The following DUSP14 variants were observed in gnomAD, a reference collection of about 807,000 sequenced individuals.
The protein encoded by DUSP14 is dual specificity phosphatase 14.
Under a neutral mutation model 13.2 loss-of-function variants are expected in DUSP14, and 5 were observed. The ratio of observed to expected loss-of-function variants is 0.38; its 90% confidence interval spans 0.20 to 0.80. The LOEUF is 0.80. Ranked by LOEUF, DUSP14 falls within the 30% of genes least tolerant of loss-of-function variation. DUSP14 has a pLI of 0.44. For synonymous variants in DUSP14, 91 were observed against 103.4 expected (o/e 0.88, Z 0.73); for missense variants, 185 against 264.0 (o/e 0.70, Z 2.07).
intron 1 of DUSP14, among the ~76,000 whole-genome samples, chr17:37,498,940 A>T (rs1460407114): frequency 6.6e-6 from 1 of 152,052 alleles, no homozygotes; most frequent in African/African-American, 2.4e-5. Flanking sequence ...CCTTGGGAGC[A>T]CACTTTGAAG....
chr17:37,489,693 G>C (rs2054011677), upstream of DUSP14: 1 of 151,814 alleles, frequency 6.6e-6, no homozygotes, highest in Admixed American at 6.6e-5. Flanking sequence ...TGCCTCGGGA[G>C]CTAGGGCGCG....
chr17:37,493,760 AGATG>A (rs2054044807), intron 1 of DUSP14, among the ~76,000 whole-genome samples: 2 of 151,464 alleles, frequency 1.3e-5, no homozygotes, highest in Admixed American at 1.3e-4. Flanking sequence ...GCTAGTACCT[AGATG>A]TTTTTTAAGG....
chr17:37,499,490 C>A (rs986714154), intron 1 of DUSP14, among the ~76,000 whole-genome samples: 1 of 151,988 alleles, frequency 6.6e-6, no homozygotes, highest in Non-Finnish European at 1.5e-5. Context: ...CAGGTGTGAG[C>A]CACCACACCC....
At chr17:37,491,523 A>G (rs1053875974) in intron 1 of DUSP14, 9 of 152,212 alleles carry the variant, frequency 5.9e-5, no homozygotes, top group African/African-American at 7.2e-5. Flanking sequence ...GCTTTCCACC[A>G]TAAAACTGGA....
At chr17:37,503,248 A>T (rs1293098269) in intron 1 of DUSP14, among the ~76,000 whole-genome samples, 2 of 152,116 alleles carry the variant, frequency 1.3e-5, no homozygotes, top group Non-Finnish European at 2.9e-5. Flanking sequence ...AACATGGGGA[A>T]ACCCTGTCTC....
At position 37,512,896 on chromosome 17, in the gene DUSP14, C is replaced by T. The variant is rs375363372; in HGVS notation, c.*27C>T. On this transcript the variant is annotated 3_prime_UTR_variant, in exon 3 of 3. Coordinates refer to ENST00000617516, the MANE Select transcript of DUSP14 (RefSeq NM_007026.4). This position sits in a 1 kb window ranked among gnomAD's most constrained non-coding sequence, Gnocchi z 4.8. ...GCCACTGAAGCCTGCGTCAGCAGCCCGAGCGGGGCCGGCATCTGCTCCCCG... is the reference window on the plus strand; with the variant it reads ...GCCACTGAAGCCTGCGTCAGCAGCCTGAGCGGGGCCGGCATCTGCTCCCCG... 6.4e-6 allele frequency: 10 copies of T among 1,564,596 alleles called. No individual in the cohort carries two copies. Among genetic ancestry groups the T allele is most frequent in the Non-Finnish European group, 7.9e-6 (9 of 1,146,290 alleles).
intron 1 of DUSP14, among the ~76,000 whole-genome samples, chr17:37,504,403 TTATCCTCATCA>T (rs1276304560): frequency 3.9e-5 from 6 of 152,182 alleles, no homozygotes; most frequent in African/African-American, 1.2e-4. Flanking sequence ...TTATGTGTAT[TTATCCTCATCA>T]TATCCTCATC....
intron 2 of DUSP14, among the ~76,000 whole-genome samples, chr17:37,511,553 T>A (rs2054185336): frequency 6.6e-6 from 1 of 150,390 alleles, no homozygotes; most frequent in South Asian, 2.1e-4. Flanking sequence ...AGTACTGGGA[T>A]TACAGGCATG....
rs560865205 is a variant in DUSP14 at position 37,497,559 on chromosome 17, C to T, written c.-181+7601C>T. On this transcript the variant is annotated intron_variant, in intron 1 of 2. Transcript: ENST00000617516. Reference sequence around the variant, plus strand: ...GGTGGATGGCTTGAGCCCAGGAGTTCGAGTCCAGCCTGGGCAACATGGCAA... The same window carrying T: ...GGTGGATGGCTTGAGCCCAGGAGTTTGAGTCCAGCCTGGGCAACATGGCAA... Among the ~76,000 whole-genome samples the T allele has an allele frequency of 8.6e-5, 13 of 151,856 alleles. No homozygotes were observed. The South Asian group carries it at 2.7e-3, about 32-fold the overall frequency.
chr17:37,506,033 C>T (rs944997968), intron 1 of DUSP14, among the ~76,000 whole-genome samples: 12 of 152,060 alleles, frequency 7.9e-5, no homozygotes, highest in African/African-American at 2.7e-4. Flanking sequence ...GAGGCTAAGG[C>T]AGGTGGATCA....
chr17:37,502,472 C>T (rs1024750938), intron 1 of DUSP14, among the ~76,000 whole-genome samples: 1 of 151,958 alleles, frequency 6.6e-6, no homozygotes, highest in Non-Finnish European at 1.5e-5. Flanking sequence ...GCCTGAGCCA[C>T]TGCCCCTGGC....
At chr17:37,510,591 C>T (rs2054176886) in intron 1 of DUSP14, 86 bp from the exon 2 acceptor site, 1 of 152,226 alleles carries the variant, frequency 6.6e-6, no homozygotes, top group African/African-American at 2.4e-5. Context: ...CTATTTCAGT[C>T]AAACCTGAGG....
intron 1 of DUSP14, among the ~76,000 whole-genome samples, chr17:37,504,446 A>C (rs1287668943): frequency 2.6e-5 from 4 of 152,206 alleles, no homozygotes; most frequent in Admixed American, 2.0e-4. Context: ...CTCATGTATT[A>C]TCCTATGATA....
intron 1 of DUSP14, among the ~76,000 whole-genome samples, chr17:37,490,356 C>T (rs958914215): frequency 1.3e-5 from 2 of 152,218 alleles, no homozygotes; most frequent in Non-Finnish European, 2.9e-5. Context: ...TGGAGCGCGC[C>T]GCCGCTTTTT....
In DUSP14 at chr17:37,512,585, G is replaced by A. The variant is rs780157713; in HGVS notation, c.313G>A (p.Gly105Arg). Residue 105 changes from glycine (G) to arginine (R), a missense_variant, in exon 3 of 3, where the codon GGG becomes AGG. Coordinates refer to ENST00000617516, the MANE Select transcript of DUSP14 (RefSeq NM_007026.4). The surrounding 1 kb of genome is among the most constrained non-coding windows in gnomAD (Gnocchi z 4.8). Reference protein sequence around the residue: ...DKIHSVSRKHGATLVHCAAGV... With the variant: ...DKIHSVSRKHRATLVHCAAGV... The stretch of plus-strand genomic sequence containing the variant: ...GATCCACAGTGTGAGCAGGAAGCAC[G>A]GGGCCACCTTGGTGCACTGTGCTGC... 21 of 1,613,980 alleles carry A rather than the reference G, an allele frequency of 1.3e-5. No homozygotes were observed. The highest frequency in any genetic ancestry group is 4.0e-5 in the African/African-American group (3 of 74,914).
intron 1 of DUSP14, among the ~76,000 whole-genome samples, chr17:37,490,192 C>T (rs1161949020): frequency 6.6e-6 from 1 of 150,440 alleles, no homozygotes; most frequent in Non-Finnish European, 1.5e-5. Flanking sequence ...CCTCGCCGGC[C>T]CTGAGCGTGC....
intron 1 of DUSP14, among the ~76,000 whole-genome samples, chr17:37,506,560 AT>A (rs1238373103): frequency 6.6e-6 from 1 of 152,134 alleles, no homozygotes; most frequent in Non-Finnish European, 1.5e-5. Context: ...GCACCATGCA[AT>A]TTGTGATCCC....
chr17:37,493,167 T>C (rs1250584416), intron 1 of DUSP14, among the ~76,000 whole-genome samples: 1 of 152,208 alleles, frequency 6.6e-6, no homozygotes, highest in African/African-American at 2.4e-5. Context: ...CTCACTATAT[T>C]GCCCAGGCTG....
In DUSP14 at chr17:37,512,659, C is replaced by T. The variant is rs1456126709; in HGVS notation, c.387C>T (p.Phe129=). ...ATLCIAYLMK[F]HNVCLLEAYN... ...TGTGTATCGCGTACCTGATGAAATT[C>T]CACAACGTGTGCCTGCTGGAGGCGT... Residue 129 remains phenylalanine, a synonymous_variant, in exon 3 of 3, where the codon TTC becomes TTT. Coordinates refer to ENST00000617516, the MANE Select transcript of DUSP14 (RefSeq NM_007026.4). The surrounding 1 kb of genome is among the most constrained non-coding windows in gnomAD (Gnocchi z 4.8). 1.6e-5 allele frequency: 26 copies of T among 1,613,650 alleles called. No individual in the cohort carries two copies. The highest frequency in any genetic ancestry group is 2.1e-5 in the Non-Finnish European group (25 of 1,179,768).
Sources: allele counts gnomAD v4.1 joint callset (sites outside exome capture counted in the v4.1 genomes callset), GRCh38; gene constraint gnomAD v4.1.1; non-coding constraint Gnocchi (gnomAD v3.1); transcripts MANE v1.5; gene names NCBI Gene and HGNC (gene_info 2026-07-23, HGNC 2026-07-21).